Variants in PRKN observed in about 807,000 individuals in gnomAD.
PRKN encodes the protein E3 ubiquitin-protein ligase parkin.
Under a neutral mutation model 59.5 loss-of-function variants are expected in PRKN, and 56 were observed. The ratio of observed to expected loss-of-function variants is 0.94; its 90% CI spans 0.76 to 1.18. The LOEUF (loss-of-function observed/expected upper bound fraction) is 1.18, where lower values mean the gene tolerates loss of function less well. PRKN is among the 50% of genes most tolerant of loss of function. PRKN has a pLI of 0.00. For missense variants in PRKN, 657 were observed against 596.4 expected (o/e 1.10, Z -1.06); for synonymous variants, 250 against 222.1 (o/e 1.13, Z -1.12).
At chr6:162,535,387 A>T (rs1778672569) in intron 1 of PRKN, among the ~76,000 whole-genome samples, 1 of 152,038 alleles carries the variant, frequency 6.6e-6, no homozygotes, top group African/African-American at 2.4e-5. Context: ...GTCTTTCTTC[A>T]TCATATATAT....
intron 4 of PRKN, among the ~76,000 whole-genome samples, chr6:162,070,690 C>T (rs2128290546): frequency 6.6e-6 from 1 of 152,300 alleles, no homozygotes; most frequent in Non-Finnish European, 1.5e-5. Flanking sequence ...CACCTCACAT[C>T]ATCAAGCATT....
chr6:162,579,155 T>C (rs34697913), intron 1 of PRKN, among the ~76,000 whole-genome samples: 15,562 of 152,256 alleles, frequency 0.1, 937 homozygotes, highest in Middle Eastern at 0.18. Flanking sequence ...CATTGCCATG[T>C]GCCCCTCTCC....
At chr6:162,594,927 C>A (rs933618186) in intron 1 of PRKN, among the ~76,000 whole-genome samples, 3 of 152,310 alleles carry the variant, frequency 2.0e-5, no homozygotes, top group Non-Finnish European at 4.4e-5. Flanking sequence ...GTAATCCCAG[C>A]ACTTTGGGAG....
intron 7 of PRKN, among the ~76,000 whole-genome samples, chr6:161,777,240 C>T (rs1210078615): frequency 6.6e-6 from 1 of 152,092 alleles, no homozygotes; most frequent in African/African-American, 2.4e-5. Context: ...AATCATTACT[C>T]GTTTTTGAAT....
At chr6:162,267,954 C>G (rs1177169800) in intron 2 of PRKN, among the ~76,000 whole-genome samples, 5 of 152,082 alleles carry the variant, frequency 3.3e-5, no homozygotes, top group Admixed American at 1.3e-4. Context: ...CTTCCAAGCA[C>G]TTAATAAAGA....
rs188090440 is a variant in PRKN, at chr6:162,323,238, T to A, written c.172-60473A>T. ...AACTTAAAGTATAATAAAAAAAAAA[T>A]GAACTTGAAATGGATCTCACCAATA... On this transcript the variant is annotated intron_variant, in intron 2 of 11. Transcript: ENST00000366898. Among the ~76,000 whole-genome samples, 1,229 of 150,698 alleles carry A rather than the reference T, an allele frequency of 8.2e-3. 16 individuals are homozygous for A. The highest frequency in any genetic ancestry group is 0.029 in the African/African-American group (1,176 of 40,940).
chr6:161,732,527 C>T (rs563916264), intron 7 of PRKN, among the ~76,000 whole-genome samples: 46 of 150,802 alleles, frequency 3.1e-4, no homozygotes, highest in Admixed American at 2.6e-3. Flanking sequence ...TTTATATTTC[C>T]GAAAGCCTTT....
intron 9 of PRKN, among the ~76,000 whole-genome samples, chr6:161,511,521 A>G (rs976287166): frequency 1.3e-5 from 2 of 152,196 alleles, no homozygotes; most frequent in Non-Finnish European, 2.9e-5. Flanking sequence ...ATAATAATGC[A>G]TCTTTCATGG....
At chr6:162,397,599 A>G (rs1269778625) in intron 2 of PRKN, among the ~76,000 whole-genome samples, 4 of 152,132 alleles carry the variant, frequency 2.6e-5, no homozygotes, top group Non-Finnish European at 5.9e-5. Context: ...GAAAAGCTAA[A>G]CGCTCCAATC....
rs1386948809 is a variant in PRKN at position 161,349,355 on chromosome 6, A to G, written c.*744T>C. 1 of 230,480 alleles carries G rather than the reference A, an allele frequency of 4.3e-6. No homozygotes were observed. The highest frequency in any genetic ancestry group is 6.2e-5 in the East Asian group (1 of 16,070). The allele number at this position is 230,480 out of a possible 1,614,324, so 14.3% of individuals were successfully genotyped here. A position where few individuals can be genotyped will look rare whatever the true frequency, so the allele number is the denominator to read the frequency against. The stretch of plus-strand genomic sequence containing the variant: ...AGTTGCAAATCATGAAAGGGAATGA[A>G]AGTACATTAACTTGATTTCTTCCCT... On this transcript the variant is annotated 3_prime_UTR_variant, in exon 12 of 12. Coordinates refer to ENST00000366898, the MANE Select transcript of PRKN (RefSeq NM_004562.3). The surrounding 1 kb of genome is among the most constrained non-coding windows in gnomAD (Gnocchi z 5.5).
At chr6:162,409,849 CT>C (rs1457858760) in intron 2 of PRKN, among the ~76,000 whole-genome samples, 1 of 152,166 alleles carries the variant, frequency 6.6e-6, no homozygotes. Flanking sequence ...GTAAAACCAA[CT>C]TTTTTACCAA....
chr6:161,744,702 C>T (rs967047710), intron 7 of PRKN, among the ~76,000 whole-genome samples: 44 of 152,308 alleles, frequency 2.9e-4, no homozygotes, highest in African/African-American at 1.0e-3. Context: ...CTCCTAGCTT[C>T]GAGAATGATG....
intron 1 of PRKN, among the ~76,000 whole-genome samples, chr6:162,717,162 G>A (rs1490681737): frequency 6.6e-6 from 1 of 152,178 alleles, no homozygotes; most frequent in Admixed American, 6.5e-5. Flanking sequence ...GCAGAGACTG[G>A]AGTGATGTGG....
chr6:161,804,939 A>C (rs1791244344), intron 6 of PRKN, among the ~76,000 whole-genome samples: 1 of 152,208 alleles, frequency 6.6e-6, no homozygotes, highest in South Asian at 2.1e-4. Flanking sequence ...ATAGATAAGA[A>C]AGTTGGACTA....
intron 6 of PRKN, among the ~76,000 whole-genome samples, chr6:161,787,815 G>A (rs1484648065): frequency 2.6e-5 from 4 of 151,952 alleles, no homozygotes; most frequent in Admixed American, 6.6e-5. Flanking sequence ...GCGTGGTGGC[G>A]GGCGCCTGTA....
intron 9 of PRKN, among the ~76,000 whole-genome samples, chr6:161,523,210 A>G (rs1408831205): frequency 6.6e-6 from 1 of 152,212 alleles, no homozygotes; most frequent in Non-Finnish European, 1.5e-5. Context: ...TATTTTTGAT[A>G]GGAATTCTCA....
chr6:161,564,159 C>T (rs1780552322), intron 8 of PRKN, among the ~76,000 whole-genome samples: 1 of 152,112 alleles, frequency 6.6e-6, no homozygotes, highest in South Asian at 2.1e-4. Flanking sequence ...AGCAGTTGCC[C>T]CCACCGCTGG....
Position 161,550,388 on chromosome 6 carries a change from A to C in PRKN, c.934-1385T>G, listed in dbSNP as rs995363983. On this transcript the variant is annotated intron_variant, in intron 8 of 11. Transcript: ENST00000366898. This position sits in a 1 kb window ranked among gnomAD's most constrained non-coding sequence, Gnocchi z 4.0. The stretch of plus-strand genomic sequence containing the variant: ...TTTGACTAATATTTTAAAGACATCC[A>C]CCTGGCTGCTATGTTCGGAATACCC... Among the ~76,000 whole-genome samples the C allele has an allele frequency of 6.6e-6, 1 of 152,122 alleles. No individual in the cohort carries two copies. Among genetic ancestry groups the C allele is most frequent in the Non-Finnish European group, 1.5e-5 (1 of 68,028 alleles).
At chr6:162,000,144 C>A (rs1383611205) in intron 5 of PRKN, among the ~76,000 whole-genome samples, 2 of 152,040 alleles carry the variant, frequency 1.3e-5, no homozygotes, top group African/African-American at 2.4e-5. Context: ...ACTTTTAATT[C>A]ATTTGGGTAA....
Sources: allele counts gnomAD v4.1 joint callset (sites outside exome capture counted in the v4.1 genomes callset), GRCh38; gene constraint gnomAD v4.1.1; non-coding constraint Gnocchi (gnomAD v3.1); transcripts MANE v1.5; gene names NCBI Gene and HGNC (gene_info 2026-07-23, HGNC 2026-07-21).